LCLAT1: variants seen among roughly 807,000 people sequenced by gnomAD.
The protein encoded by LCLAT1 is lysocardiolipin acyltransferase 1.
A neutral mutation model predicts 30.7 loss-of-function variants in LCLAT1; 11 were observed. That is an observed-to-expected ratio of 0.36 (90% CI 0.23 to 0.59). The LOEUF is 0.59. Among genes scored for constraint, LCLAT1 ranks in the 20% least tolerant of loss-of-function variants. The pLI is 0.77. For synonymous variants in LCLAT1, 155 were observed against 151.3 expected (o/e 1.02, Z -0.18); for missense variants, 402 against 458.6 (o/e 0.88, Z 1.13).
chr2:30,547,831 T>C (rs183965964), intron 3 of LCLAT1, among the ~76,000 whole-genome samples: 303 of 152,260 alleles, frequency 2.0e-3, no homozygotes, highest in Non-Finnish European at 3.4e-3. Context: ...TATTCTGTTA[T>C]TTATAGCCAA....
intron 3 of LCLAT1, among the ~76,000 whole-genome samples, chr2:30,542,480 G>A (rs538515387): frequency 6.8e-4 from 103 of 151,970 alleles, no homozygotes; most frequent in African/African-American, 1.7e-3. Flanking sequence ...TTATTTGTCC[G>A]GTAAGTGTTA....
intron 2 of LCLAT1, among the ~76,000 whole-genome samples, chr2:30,530,637 C>G (rs1257449839): frequency 6.6e-6 from 1 of 152,184 alleles, no homozygotes; most frequent in Non-Finnish European, 1.5e-5. Flanking sequence ...CCTGAAATTC[C>G]TGGACTCGAG....
chr2:30,619,949 T>C (rs750775000), intron 5 of LCLAT1, among the ~76,000 whole-genome samples: 4 of 152,218 alleles, frequency 2.6e-5, no homozygotes, highest in Admixed American at 6.5e-5. Flanking sequence ...AGTTAACTGT[T>C]ATTACTGAGT....
At chr2:30,478,698 G>C (rs773798342) in intron 1 of LCLAT1, among the ~76,000 whole-genome samples, 18 of 145,340 alleles carry the variant, frequency 1.2e-4, no homozygotes, top group Non-Finnish European at 2.1e-4. Flanking sequence ...TAGGTAGGTA[G>C]GTAGGTAGGT....
chr2:30,622,888 A>G (rs1194124008), intron 5 of LCLAT1, among the ~76,000 whole-genome samples: 1 of 152,118 alleles, frequency 6.6e-6, no homozygotes, highest in Non-Finnish European at 1.5e-5. Flanking sequence ...TAATATGACA[A>G]AAGAAGGTTC....
chr2:30,507,143 A>T (rs926991802), intron 1 of LCLAT1, among the ~76,000 whole-genome samples: 2 of 151,944 alleles, frequency 1.3e-5, no homozygotes, highest in African/African-American at 4.8e-5. Flanking sequence ...TATGTATTTG[A>T]TTTTGTCATT....
chr2:30,542,766 TTG>T (rs1231918163), intron 3 of LCLAT1, among the ~76,000 whole-genome samples: 3 of 152,204 alleles, frequency 2.0e-5, no homozygotes, highest in Non-Finnish European at 4.4e-5. Flanking sequence ...TATTTTGGAG[TTG>T]TTTTAAGTTT....
At chr2:30,510,757 C>T (rs1313536294) in intron 1 of LCLAT1, among the ~76,000 whole-genome samples, 2 of 152,026 alleles carry the variant, frequency 1.3e-5, no homozygotes, top group Non-Finnish European at 2.9e-5. Context: ...TTCTGCTTTC[C>T]ATCTCTTTAT....
rs1353343667 is a variant in LCLAT1, at chr2:30,642,422, A to G, written c.*1803A>G. The stretch of plus-strand genomic sequence containing the variant: ...TTTCTTTTTTTTTTTTTTTTTTTAA[A>G]AAAGCACCTTTTTTTGTTGTTTCCC... On this transcript the variant is annotated 3_prime_UTR_variant, in exon 6 of 6. Transcript: ENST00000379509. The G allele has an allele frequency of 2.0e-5, 3 of 150,128 alleles. No individual in the cohort carries two copies. Among genetic ancestry groups the G allele is most frequent in the South Asian group, 2.1e-4 (1 of 4,758 alleles). 9.3% of individuals were successfully genotyped at this position (150,128 alleles called of 1,614,324 possible).
At chr2:30,544,839 C>T (rs1664323572) in intron 3 of LCLAT1, among the ~76,000 whole-genome samples, 1 of 152,144 alleles carries the variant, frequency 6.6e-6, no homozygotes, top group Non-Finnish European at 1.5e-5. Context: ...GTGTTTATTT[C>T]TCCTACTCTT....
chr2:30,563,731 CATA>C (rs1200065303), intron 4 of LCLAT1, among the ~76,000 whole-genome samples: 20 of 152,146 alleles, frequency 1.3e-4, no homozygotes, highest in South Asian at 6.2e-4. Context: ...ATACTGTGCA[CATA>C]ATAATTTATG....
chr2:30,640,250 C>A lies in LCLAT1; in HGVS notation c.762C>A (p.Thr254=). 1 of 1,614,088 alleles carries A rather than the reference C, an allele frequency of 6.2e-7. No individual in the cohort carries two copies. Among genetic ancestry groups the A allele is most frequent in the Non-Finnish European group, 8.5e-7 (1 of 1,179,972 alleles). Residue 254 remains threonine, a synonymous_variant, in exon 6 of 6, where the codon ACC becomes ACA. Coordinates refer to ENST00000379509, the MANE Select transcript of LCLAT1 (RefSeq NM_001002257.3). ...ACGTCCACCGGTATCCAATAGACAC[C>A]CTCCCCACATCCAAGGAGGACCTTC... ...HFHVHRYPID[T]LPTSKEDLQL... is the part of the protein sequence containing the mutation.
At position 30,461,943 on chromosome 2, in the gene LCLAT1, T is replaced by C. The variant is rs542197416; in HGVS notation, c.-5+14560T>C. ...CCGCCACCACGCCCGGCTAATTTTT[T>C]TGTGTTTTTTAGTAGAGACGGGGTT... On this transcript the variant is annotated intron_variant, in intron 1 of 5. Coordinates refer to ENST00000379509, the MANE Select transcript of LCLAT1 (RefSeq NM_001002257.3). 7.3e-5 allele frequency among the ~76,000 whole-genome samples: 11 copies of C among 151,178 alleles called. No individual in the cohort carries two copies. In the East Asian group the frequency reaches 2.2e-3, roughly 30 times the overall value.
intron 5 of LCLAT1, among the ~76,000 whole-genome samples, chr2:30,570,284 T>G (rs1301125942): frequency 2.0e-5 from 3 of 152,162 alleles, no homozygotes; most frequent in Non-Finnish European, 4.4e-5. Flanking sequence ...CATAGATGAT[T>G]CCATTTATTT....
intron 5 of LCLAT1, among the ~76,000 whole-genome samples, chr2:30,632,903 A>G (rs1048561308): frequency 6.6e-6 from 1 of 152,264 alleles, no homozygotes; most frequent in Non-Finnish European, 1.5e-5. Flanking sequence ...AGTAGGAAAC[A>G]ATAGTATTTT....
chr2:30,494,551 CACGCATACGTGCATACACACATGCAT>C (rs1038683585), intron 1 of LCLAT1, among the ~76,000 whole-genome samples: 1 of 73,378 alleles, frequency 1.4e-5, no homozygotes, highest in African/African-American at 4.7e-5. Flanking sequence ...TGCATACACA[CACGCATACGTGCATACACACATGCAT>C]ACGTGCATAC....
chr2:30,447,982 A>G (rs1681350771), intron 1 of LCLAT1, among the ~76,000 whole-genome samples: 1 of 140,988 alleles, frequency 7.1e-6, no homozygotes, highest in South Asian at 2.1e-4. Flanking sequence ...GCCAAACCTG[A>G]TCTTTAAGGT....
chr2:30,554,808 A>G (rs1664840830), intron 3 of LCLAT1, among the ~76,000 whole-genome samples: 1 of 152,200 alleles, frequency 6.6e-6, no homozygotes, highest in Non-Finnish European at 1.5e-5. Flanking sequence ...TAGTTAGATG[A>G]TCAAGCCAAG....
chr2:30,492,043 T>G (rs1429614474), intron 1 of LCLAT1, among the ~76,000 whole-genome samples: 1 of 152,220 alleles, frequency 6.6e-6, no homozygotes, highest in Non-Finnish European at 1.5e-5. Context: ...TCATGTCGTA[T>G]GTATCCATAC....
Sources: gnomAD v4.1 joint callset for allele counts (sites outside exome capture counted in the v4.1 genomes callset) on GRCh38, gnomAD v4.1.1 for gene constraint, MANE v1.5 for transcripts, NCBI Gene and HGNC (gene_info 2026-07-23, HGNC 2026-07-21) for gene names.